The following ATF6 variants were observed in gnomAD, a reference collection of about 807,000 sequenced individuals.
ATF6 encodes the protein activating transcription factor 6.
Under a neutral mutation model 83.6 loss-of-function variants are expected in ATF6, and 53 were observed. The ratio of observed to expected loss-of-function variants is 0.63; its 90% CI spans 0.51 to 0.80. The LOEUF is 0.80. Ranked by LOEUF, ATF6 falls within the 30% of genes least tolerant of loss-of-function variation. ATF6 has a pLI of 0.00. For synonymous variants in ATF6, 288 were observed against 285.8 expected (o/e 1.01, Z -0.08); for missense variants, 744 against 797.9 (o/e 0.93, Z 0.81).
chr1:161,858,283 T>A (rs1281842911), intron 12 of ATF6, among the ~76,000 whole-genome samples: 1 of 152,190 alleles, frequency 6.6e-6, no homozygotes, highest in East Asian at 1.9e-4. Context: ...ATATTAGTAG[T>A]TAAATTCAGT....
chr1:161,786,285 C>T (rs1003254225), intron 4 of ATF6, among the ~76,000 whole-genome samples: 3 of 152,168 alleles, frequency 2.0e-5, no homozygotes, highest in East Asian at 1.9e-4. Flanking sequence ...TGCGCCCGGC[C>T]GTTCATTTTT....
At chr1:161,820,475 G>A (rs1232782760) in intron 8 of ATF6, among the ~76,000 whole-genome samples, 2 of 152,290 alleles carry the variant, frequency 1.3e-5, no homozygotes. Flanking sequence ...AATTCTGGTC[G>A]GGCGTGGTGG....
intron 1 of ATF6, among the ~76,000 whole-genome samples, chr1:161,771,627 A>G (rs12133472): frequency 0.023 from 3,491 of 151,570 alleles, 57 homozygotes; most frequent in Non-Finnish European, 0.033. Flanking sequence ...TCTTTTAGAG[A>G]TGGGGTCTTG....
intron 15 of ATF6, among the ~76,000 whole-genome samples, chr1:161,918,004 T>G (rs1165381653): frequency 6.6e-6 from 1 of 152,180 alleles, no homozygotes; most frequent in African/African-American, 2.4e-5. Context: ...ATCTTCTAAT[T>G]AATTATATTG....
At chr1:161,858,964 A>C (rs774084818) in intron 12 of ATF6, among the ~76,000 whole-genome samples, 23 of 152,184 alleles carry the variant, frequency 1.5e-4, no homozygotes, top group Admixed American at 4.6e-4. Context: ...AAGTAGCACT[A>C]ATCATTTAAA....
At chr1:161,880,260 T>G (rs1687293948) in intron 14 of ATF6, among the ~76,000 whole-genome samples, 1 of 152,100 alleles carries the variant, frequency 6.6e-6, no homozygotes, top group Non-Finnish European at 1.5e-5. Flanking sequence ...TTTTAATAGC[T>G]TTATTGAGGT....
intron 15 of ATF6, among the ~76,000 whole-genome samples, chr1:161,922,462 CTA>C (rs1414865294): frequency 1.3e-5 from 2 of 151,980 alleles, no homozygotes; most frequent in East Asian, 3.9e-4. Flanking sequence ...ACTGTAGCCT[CTA>C]AGTGCAAGAG....
chr1:161,958,634 A>G lies in ATF6; in HGVS notation c.1993A>G (p.Ile665Val), dbSNP rs760565855. Reference sequence around the variant, plus strand: ...AGAGGCAACCCACGTTGTCAGCACCATCCCTGAGTCATTACAATAGCACCC... The same window carrying G: ...AGAGGCAACCCACGTTGTCAGCACCGTCCCTGAGTCATTACAATAGCACCC... Reference protein sequence around the residue: ...ATEATHVVSTIPESLQ With the variant: ...ATEATHVVSTVPESLQ Residue 665 changes from isoleucine to valine, a missense_variant, in exon 16 of 16, where the codon ATC (isoleucine) becomes GTC (valine). Physicochemically the swap from Ile to Val is conservative, Grantham distance 29. Coordinates refer to ENST00000367942, the MANE Select transcript of ATF6 (RefSeq NM_007348.4). 6.2e-7 allele frequency: 1 copy of G among 1,613,120 alleles called. No homozygotes were observed. Among genetic ancestry groups the G allele is most frequent in the Non-Finnish European group, 8.5e-7 (1 of 1,179,538 alleles).
At chr1:161,953,344 A>T (rs1349168742) in intron 15 of ATF6, among the ~76,000 whole-genome samples, 1 of 152,180 alleles carries the variant, frequency 6.6e-6, no homozygotes, top group African/African-American at 2.4e-5. Context: ...AATTTTAGTA[A>T]TACCCTTCAA....
chr1:161,937,671 A>T, intron 15 of ATF6, among the ~76,000 whole-genome samples: 1 of 151,578 alleles, frequency 6.6e-6, no homozygotes, highest in South Asian at 2.1e-4. Flanking sequence ...GTTCTCACTC[A>T]TAAGTGGGAG....
chr1:161,829,662 A>G (rs1685998622), intron 9 of ATF6, among the ~76,000 whole-genome samples: 1 of 152,136 alleles, frequency 6.6e-6, no homozygotes. Flanking sequence ...ACACAAATCA[A>G]TAAATGTAAT....
intron 7 of ATF6, among the ~76,000 whole-genome samples, chr1:161,802,867 G>A (rs1028722639): frequency 1.3e-5 from 2 of 152,122 alleles, no homozygotes; most frequent in Admixed American, 1.3e-4. Context: ...AGTTTCCTAA[G>A]ACCTGTCACT....
At chr1:161,948,206 C>T (rs1221609801) in intron 15 of ATF6, among the ~76,000 whole-genome samples, 2 of 152,128 alleles carry the variant, frequency 1.3e-5, no homozygotes, top group African/African-American at 2.4e-5. Context: ...GTGACCACTA[C>T]TAGTTGTTCA....
intron 9 of ATF6, 49 bp from the exon 10 acceptor site, chr1:161,846,400 G>C: frequency 6.4e-7 from 1 of 1,567,616 alleles, no homozygotes; most frequent in African/African-American, 1.4e-5. Context: ...GCAGGCATAT[G>C]TGTGACATAT....
At chr1:161,947,651 G>C (rs1688775852) in intron 15 of ATF6, among the ~76,000 whole-genome samples, 1 of 152,120 alleles carries the variant, frequency 6.6e-6, no homozygotes, top group Non-Finnish European at 1.5e-5. Context: ...AAAAAAAGAA[G>C]CATTTGTTAT....
chr1:161,770,880 T>G (rs1343079209), intron 1 of ATF6, among the ~76,000 whole-genome samples: 1 of 152,170 alleles, frequency 6.6e-6, no homozygotes, highest in Admixed American at 6.5e-5. Flanking sequence ...TAAGAACATG[T>G]TTTTTGTTTG....
chr1:161,768,131 G>T (rs887736702), intron 1 of ATF6, among the ~76,000 whole-genome samples: 2 of 152,152 alleles, frequency 1.3e-5, no homozygotes, highest in African/African-American at 4.8e-5. Flanking sequence ...CTGGGATTAC[G>T]GGTGTGAGCC....
At position 161,944,348 on chromosome 1, in the gene ATF6, G is replaced by C. The variant is rs142237588; in HGVS notation, c.1805-14098G>C. Among the ~76,000 whole-genome samples the C allele has an allele frequency of 1.1e-4, 17 of 152,280 alleles. 1 individual carries two copies. Among genetic ancestry groups the C allele is most frequent in the African/African-American group, 4.1e-4 (17 of 41,550 alleles). On this transcript the variant is annotated intron_variant, in intron 15 of 15. Coordinates refer to ENST00000367942, the MANE Select transcript of ATF6 (RefSeq NM_007348.4). ...AGTTACAGAACTTAAAATAAACCCA[G>C]GTGTTTCTGGGCCTGAGATTCTTAA...
At chr1:161,887,763 G>A (rs1194827011) in intron 14 of ATF6, among the ~76,000 whole-genome samples, 1 of 152,134 alleles carries the variant, frequency 6.6e-6, no homozygotes, top group Non-Finnish European at 1.5e-5. Context: ...ACATATAAAA[G>A]GATAAATCAA....
Sources: allele counts gnomAD v4.1 joint callset (sites outside exome capture counted in the v4.1 genomes callset), GRCh38; gene constraint gnomAD v4.1.1; transcripts MANE v1.5; gene names NCBI Gene and HGNC (gene_info 2026-07-23, HGNC 2026-07-21).